The following ZNF385B variants were observed in gnomAD, a reference collection of about 807,000 sequenced individuals.
The protein encoded by ZNF385B is zinc finger protein 533.
A neutral mutation model predicts 39.2 loss-of-function variants in ZNF385B; 23 were observed. The ratio of observed to expected loss-of-function variants is 0.59; its 90% confidence interval spans 0.42 to 0.83. The LOEUF (loss-of-function observed/expected upper bound fraction) is 0.83. Ranked by LOEUF, ZNF385B falls within the 40% of genes least tolerant of loss-of-function variation. ZNF385B has a pLI of 0.00. For synonymous variants in ZNF385B, 205 were observed against 222.6 expected, an observed-to-expected ratio of 0.92 and a Z score of 0.70; for missense variants, 552 against 598.9, an observed-to-expected ratio of 0.92 and a Z score of 0.82.
intron 3 of ZNF385B, among the ~76,000 whole-genome samples, chr2:179,575,942 T>C (rs1685762140): frequency 6.6e-6 from 1 of 152,194 alleles, no homozygotes; most frequent in South Asian, 2.1e-4. Context: ...ATTTTAAAAG[T>C]AAAAGTTGGA....
intron 1 of ZNF385B, among the ~76,000 whole-genome samples, chr2:179,790,701 T>C (rs901726330): frequency 6.6e-5 from 10 of 152,128 alleles, no homozygotes; most frequent in African/African-American, 9.7e-5. Context: ...AATACTCTCA[T>C]GGTCATGTGG....
intron 5 of ZNF385B, among the ~76,000 whole-genome samples, chr2:179,486,843 G>A (rs1010946828): frequency 1.3e-5 from 2 of 152,138 alleles, no homozygotes; most frequent in African/African-American, 2.4e-5. Context: ...TTGAGCCTGG[G>A]AAGTCGAGGC....
At chr2:179,725,318 A>G (rs1700933125) in intron 3 of ZNF385B, among the ~76,000 whole-genome samples, 1 of 152,036 alleles carries the variant, frequency 6.6e-6, no homozygotes, top group Admixed American at 6.6e-5. Context: ...TTAGTTATAA[A>G]TGAAAAACTG....
intron 3 of ZNF385B, among the ~76,000 whole-genome samples, chr2:179,751,274 T>C (rs1295492866): frequency 6.7e-6 from 1 of 150,012 alleles, no homozygotes; most frequent in Non-Finnish European, 1.5e-5. Flanking sequence ...TCCTCACTCC[T>C]TGGTGTGGTA....
chr2:179,860,426 G>A (rs1684950722), intron 1 of ZNF385B, among the ~76,000 whole-genome samples: 1 of 152,040 alleles, frequency 6.6e-6, no homozygotes, highest in Admixed American at 6.5e-5. Context: ...ACATAACAGT[G>A]GCGAAACAGA....
chr2:179,637,805 A>G (rs1342405106), intron 3 of ZNF385B, among the ~76,000 whole-genome samples: 2 of 152,228 alleles, frequency 1.3e-5, no homozygotes, highest in Non-Finnish European at 2.9e-5. Flanking sequence ...ATTGCCCTGC[A>G]GTATTAGTAT....
intron 3 of ZNF385B, among the ~76,000 whole-genome samples, chr2:179,709,518 A>G (rs1699848744): frequency 1.3e-5 from 2 of 152,172 alleles, no homozygotes; most frequent in South Asian, 2.1e-4. Flanking sequence ...CCCACACTGC[A>G]TCTACACCAC....
intron 4 of ZNF385B, among the ~76,000 whole-genome samples, chr2:179,529,491 A>G (rs549235900): frequency 2.6e-5 from 4 of 152,314 alleles, no homozygotes; most frequent in Admixed American, 1.3e-4. Flanking sequence ...GATCTGTAAC[A>G]TCTTTCAAAG....
chr2:179,553,214 T>C (rs1302398467), intron 3 of ZNF385B, among the ~76,000 whole-genome samples: 1 of 149,134 alleles, frequency 6.7e-6, no homozygotes, highest in East Asian at 1.9e-4. Context: ...AGTATTCAAC[T>C]GGGAATTAGT....
chr2:179,836,108 A>G (rs554734033), intron 1 of ZNF385B, among the ~76,000 whole-genome samples: 2 of 152,352 alleles, frequency 1.3e-5, no homozygotes, highest in South Asian at 2.1e-4. Flanking sequence ...TCACCAAAAG[A>G]CAAAAATATT....
intron 3 of ZNF385B, chr2:179,745,794 A>G: frequency 6.6e-7 from 1 of 1,517,844 alleles, no homozygotes; most frequent in Admixed American, 2.2e-5. Flanking sequence ...CAAAACTTCC[A>G]GTATGTGACC....
At chr2:179,531,783 C>G (rs568497390) in intron 4 of ZNF385B, among the ~76,000 whole-genome samples, 1 of 152,306 alleles carries the variant, frequency 6.6e-6, no homozygotes, top group Admixed American at 6.5e-5. Context: ...TCCTCACAGG[C>G]TCACTTTGTC....
chr2:179,832,897 T>C (rs1300946541), intron 1 of ZNF385B, among the ~76,000 whole-genome samples: 1 of 152,246 alleles, frequency 6.6e-6, no homozygotes, highest in East Asian at 1.9e-4. Flanking sequence ...AGAAATGTTT[T>C]ATTCATTCGA....
intron 3 of ZNF385B, among the ~76,000 whole-genome samples, chr2:179,633,470 G>C (rs1353315324): frequency 6.6e-6 from 1 of 152,134 alleles, no homozygotes; most frequent in East Asian, 1.9e-4. Context: ...TATCTCAATA[G>C]ATACAGAAAA....
At chr2:179,665,941 C>A (rs1177020232) in intron 3 of ZNF385B, among the ~76,000 whole-genome samples, 1 of 152,074 alleles carries the variant, frequency 6.6e-6, no homozygotes, top group Non-Finnish European at 1.5e-5. Context: ...GCAAAATGCT[C>A]TGACTGTTTA....
chr2:179,495,652 G>T (rs1258995462), intron 5 of ZNF385B, among the ~76,000 whole-genome samples: 4 of 152,152 alleles, frequency 2.6e-5, no homozygotes, highest in African/African-American at 9.7e-5. Context: ...AGGTGGTTTA[G>T]AATGGAGAGA....
chr2:179,806,514 A>G (rs1412156969), intron 1 of ZNF385B, among the ~76,000 whole-genome samples: 5 of 152,166 alleles, frequency 3.3e-5, no homozygotes, highest in Non-Finnish European at 7.3e-5. Flanking sequence ...AAGGCTGATT[A>G]GAGCCGTTAA....
chr2:179,729,547 T>C (rs886445412), intron 3 of ZNF385B, among the ~76,000 whole-genome samples: 1 of 152,248 alleles, frequency 6.6e-6, no homozygotes, highest in East Asian at 1.9e-4. Context: ...GGTCTTGTTC[T>C]TACATTTCAA....
intron 3 of ZNF385B, among the ~76,000 whole-genome samples, chr2:179,705,335 C>A (rs566730483): frequency 6.6e-6 from 1 of 152,202 alleles, no homozygotes; most frequent in Non-Finnish European, 1.5e-5. Flanking sequence ...CAGGCCATAT[C>A]TTCTTCCATC....
Sources: gnomAD v4.1 joint callset for allele counts (sites outside exome capture counted in the v4.1 genomes callset) on GRCh38, gnomAD v4.1.1 for gene constraint, MANE v1.5 for transcripts, NCBI Gene and HGNC (gene_info 2026-07-23, HGNC 2026-07-21) for gene names.